UNC13C: variants seen among roughly 807,000 people sequenced by gnomAD.
UNC13C encodes the protein protein unc-13 homolog C.
Under a neutral mutation model 245.4 loss-of-function variants are expected in UNC13C, and 174 were observed. That is an observed-to-expected ratio of 0.71 (90% CI 0.63 to 0.80). UNC13C has a LOEUF of 0.80. UNC13C is among the 30% of genes least tolerant of loss of function. UNC13C has a pLI of 0.00. For missense variants in UNC13C, 2,829 were observed against 2,602.9 expected, an observed-to-expected ratio of 1.09 and a Z score of -1.89; for synonymous variants, 992 against 895.1, an observed-to-expected ratio of 1.11 and a Z score of -1.93.
chr15:53,916,826 C>A, the UNC13C span, among the ~76,000 whole-genome samples: 1 of 152,164 alleles, frequency 6.6e-6, no homozygotes, highest in African/African-American at 2.4e-5. Context: ...TATGTATTCC[C>A]GGATCGGATC....
chr15:53,951,570 G>C, the UNC13C span, among the ~76,000 whole-genome samples: 1 of 152,148 alleles, frequency 6.6e-6, no homozygotes, highest in Non-Finnish European at 1.5e-5. Context: ...ATAGGTATTG[G>C]TCTCCTAATC....
intron 29 of UNC13C, among the ~76,000 whole-genome samples, chr15:54,562,528 A>G (rs1024102405): frequency 2.0e-5 from 3 of 152,004 alleles, no homozygotes; most frequent in Non-Finnish European, 4.4e-5. Context: ...AATAGCAGCC[A>G]GTGACGGGAC....
At chr15:54,023,899 G>C (rs12443057) in intron 2 of UNC13C, among the ~76,000 whole-genome samples, 6,385 of 152,202 alleles carry the variant, frequency 0.042, 265 homozygotes, top group East Asian at 0.18. Context: ...CAGATGAATA[G>C]TTTTTATTTG....
At chr15:54,516,412 C>T (rs1300437010) in intron 24 of UNC13C, among the ~76,000 whole-genome samples, 1 of 152,146 alleles carries the variant, frequency 6.6e-6, no homozygotes, top group African/African-American at 2.4e-5. Context: ...ACGTTTGGGG[C>T]AGGGCCAGGT....
intron 4 of UNC13C, among the ~76,000 whole-genome samples, chr15:54,191,447 T>C (rs1323031818): frequency 6.6e-6 from 1 of 152,188 alleles, no homozygotes; most frequent in African/African-American, 2.4e-5. Context: ...ATCCAGTCTA[T>C]CATTGATGGG....
At chr15:54,382,598 AT>A (rs1207468965) in intron 17 of UNC13C, among the ~76,000 whole-genome samples, 2 of 151,800 alleles carry the variant, frequency 1.3e-5, no homozygotes, top group African/African-American at 4.8e-5. Flanking sequence ...AAAAACAACA[AT>A]GAAAAAAAAA....
chr15:54,171,667 A>G (rs908328134), intron 4 of UNC13C, among the ~76,000 whole-genome samples: 2 of 152,154 alleles, frequency 1.3e-5, no homozygotes, highest in Admixed American at 1.3e-4. Context: ...ATTGTAAATT[A>G]GTACAACCAC....
intron 24 of UNC13C, among the ~76,000 whole-genome samples, 197 bp from the exon 25 acceptor site, chr15:54,525,351 TA>T (rs1895400322): frequency 6.6e-6 from 1 of 151,566 alleles, no homozygotes; most frequent in Non-Finnish European, 1.5e-5. Context: ...CAATTTTTTG[TA>T]TATGAGAACC....
Position 54,293,912 on chromosome 15 carries a change from C to T in UNC13C, c.3836C>T (p.Thr1279Ile). ...ATTTTCAGTGAGTGTCATAACTCCA[C>T]AGATCGAATCAAAGTCAGAGTATGG... is the stretch of plus-strand genomic sequence containing the variant. ...EKFYFECHNS[T>I]DRIKVRVWDE... The change falls in exon 11 of 33, where the codon ACA (threonine) becomes ATA (isoleucine). Residue 1279 changes from threonine to isoleucine, a missense_variant. By Grantham distance (89) the Thr-to-Ile change is moderately conservative. Coordinates refer to ENST00000260323, the MANE Select transcript of UNC13C (RefSeq NM_001080534.3). The T allele has an allele frequency of 1.9e-6, 3 of 1,571,982 alleles. No individual in the cohort carries two copies. The highest frequency in any genetic ancestry group is 1.2e-5 in the South Asian group (1 of 83,134).
At chr15:54,203,488 A>G (rs201767970) in intron 4 of UNC13C, among the ~76,000 whole-genome samples, 40,493 of 94,536 alleles carry the variant, frequency 0.43, 6,111 homozygotes, top group Middle Eastern at 0.51. Context: ...GTGTGTGTAT[A>G]TATATATATA....
chr15:54,123,741 A>G (rs1224048648), intron 2 of UNC13C, among the ~76,000 whole-genome samples: 1 of 152,098 alleles, frequency 6.6e-6, no homozygotes, highest in South Asian at 2.1e-4. Context: ...GTTCTACGTC[A>G]TTTTATCACA....
Position 54,628,317 on chromosome 15 carries a change from A to ATAAC in UNC13C, c.*1206_*1209dup, listed in dbSNP as rs1459102493. On this transcript the variant is annotated 3_prime_UTR_variant, in exon 33 of 33. Transcript: ENST00000260323. Reference sequence around the variant, plus strand: ...GGCTGTAAAACAGTACTTTGTAATTATAACTTATGGTCATAACTGTTAGTG... The same window carrying ATAAC: ...GGCTGTAAAACAGTACTTTGTAATTATAACTAACTTATGGTCATAACTGTTAGTG... The ATAAC allele has an allele frequency of 1.7e-4, 26 of 152,408 alleles. No homozygotes were observed. Among genetic ancestry groups the ATAAC allele is most frequent in the African/African-American group, 6.0e-4 (25 of 41,456 alleles). 9.4% of individuals were successfully genotyped at this position (152,408 alleles called of 1,614,324 possible).
At chr15:54,056,296 A>G (rs1436135977) in intron 2 of UNC13C, among the ~76,000 whole-genome samples, 1 of 152,224 alleles carries the variant, frequency 6.6e-6, no homozygotes, top group African/African-American at 2.4e-5. Flanking sequence ...CCATGGCACG[A>G]GACCTACGTG....
chr15:54,021,577 C>T (rs1895905482), intron 2 of UNC13C, among the ~76,000 whole-genome samples: 1 of 152,166 alleles, frequency 6.6e-6, no homozygotes, highest in Non-Finnish European at 1.5e-5. Flanking sequence ...ACTTTTTTAT[C>T]CATTCATCCA....
intron 18 of UNC13C, among the ~76,000 whole-genome samples, chr15:54,397,309 A>G (rs894718981): frequency 6.6e-6 from 1 of 151,460 alleles, no homozygotes; most frequent in Non-Finnish European, 1.5e-5. Context: ...TTGCTTTGGC[A>G]TCTTGGAGAA....
chr15:54,444,833 TAC>T (rs1190282935), intron 19 of UNC13C, among the ~76,000 whole-genome samples: 1 of 151,938 alleles, frequency 6.6e-6, no homozygotes, highest in East Asian at 1.9e-4. Context: ...TTTTTTATTG[TAC>T]TTTAAGTTCT....
chr15:54,020,473 T>A (rs1895853643), intron 2 of UNC13C, among the ~76,000 whole-genome samples: 1 of 137,716 alleles, frequency 7.3e-6, no homozygotes, highest in Admixed American at 7.7e-5. Context: ...TAATTAGAGA[T>A]GGAGTTTCAC....
intron 19 of UNC13C, among the ~76,000 whole-genome samples, chr15:54,471,982 C>T (rs1254045114): frequency 6.6e-6 from 1 of 151,750 alleles, no homozygotes; most frequent in Non-Finnish European, 1.5e-5. Flanking sequence ...TAGATAAGAA[C>T]TTACAAGTGC....
intron 28 of UNC13C, among the ~76,000 whole-genome samples, chr15:54,555,177 A>G (rs1377108421): frequency 1.3e-5 from 2 of 151,952 alleles, no homozygotes; most frequent in Admixed American, 1.3e-4. Context: ...TTTCCCTAAC[A>G]TTAGTTTGCA....
Sources: allele counts gnomAD v4.1 joint callset (sites outside exome capture counted in the v4.1 genomes callset), GRCh38; gene constraint gnomAD v4.1.1; transcripts MANE v1.5; gene names NCBI Gene and HGNC (gene_info 2026-07-23, HGNC 2026-07-21).